PTPRC: variants seen among roughly 807,000 people sequenced by gnomAD.
The protein encoded by PTPRC is protein tyrosine phosphatase receptor type C, also known as receptor-type tyrosine-protein phosphatase C.
In PTPRC, 44 loss-of-function variants were observed where a neutral mutation model predicts 155.9. The ratio of observed to expected loss-of-function variants is 0.28; its 90% confidence interval spans 0.22 to 0.36. PTPRC has a LOEUF of 0.36. Among genes scored for constraint, PTPRC ranks in the 10% least tolerant of loss-of-function variants. The probability of loss-of-function intolerance (pLI) is 1.00; values close to 1 mark genes in which losing one functional copy is unlikely to be tolerated. For synonymous variants in PTPRC, 525 were observed against 533.1 expected (o/e 0.98, Z 0.21); for missense variants, 1,401 against 1,564.6 (o/e 0.90, Z 1.76).
In PTPRC at chr1:198,699,710, C is replaced by G. The variant is rs368352554; in HGVS notation, c.439+6C>G. 6.2e-7 allele frequency: 1 copy of G among 1,614,108 alleles called. No individual in the cohort carries two copies. The highest frequency in any genetic ancestry group is 8.5e-7 in the Non-Finnish European group (1 of 1,180,004). ...AGGCAGCAATGCTATCTCAGGTTTG[C>G]GGGTCCTTTAGACTTGTGCAAATAT... On this transcript the variant is annotated splice_donor_region_variant and intron_variant, in intron 5 of 32. Transcript: ENST00000442510.
chr1:198,646,862 A>T (rs927779057), intron 2 of PTPRC, among the ~76,000 whole-genome samples: 1 of 151,906 alleles, frequency 6.6e-6, no homozygotes, highest in African/African-American at 2.4e-5. Flanking sequence ...AATCTTCTCA[A>T]TGTAAAATAG....
intron 2 of PTPRC, among the ~76,000 whole-genome samples, chr1:198,680,464 A>T (rs1665255799): frequency 6.6e-6 from 1 of 152,124 alleles, no homozygotes; most frequent in African/African-American, 2.4e-5. Flanking sequence ...AAAAAAAAAA[A>T]AAATAGATAC....
At chr1:198,701,948 G>C (rs1164807312) in intron 5 of PTPRC, among the ~76,000 whole-genome samples, 1 of 152,198 alleles carries the variant, frequency 6.6e-6, no homozygotes, top group African/African-American at 2.4e-5. Flanking sequence ...GTGCCTGCAA[G>C]GCTCTCAGCA....
chr1:198,752,128 C>T, intron 29 of PTPRC, 121 bp from the exon 30 acceptor site: 6 of 1,189,118 alleles, frequency 5.0e-6, no homozygotes, highest in Non-Finnish European at 7.4e-6. Context: ...TTTTAGAACA[C>T]AATAATTTTC....
chr1:198,662,872 C>T (rs1664056322), intron 2 of PTPRC, among the ~76,000 whole-genome samples: 4 of 152,162 alleles, frequency 2.6e-5, no homozygotes, highest in Admixed American at 1.3e-4. Context: ...TTTCCTCCAA[C>T]GTAAGGATCT....
chr1:198,728,635 C>T (rs562232771), intron 16 of PTPRC, among the ~76,000 whole-genome samples, 187 bp downstream of exon 16: 1 of 152,184 alleles, frequency 6.6e-6, no homozygotes, highest in African/African-American at 2.4e-5. Context: ...TTGAATTAAA[C>T]ATTAATATTA....
chr1:198,687,764 G>T (rs16843698), intron 2 of PTPRC, among the ~76,000 whole-genome samples: 13,930 of 152,060 alleles, frequency 0.092, 846 homozygotes, highest in African/African-American at 0.16. Context: ...AGTGCACATG[G>T]CTTATTAAAA....
At chr1:198,753,881 T>C (rs1481716122) in intron 31 of PTPRC, among the ~76,000 whole-genome samples, 1 of 152,020 alleles carries the variant, frequency 6.6e-6, no homozygotes, top group Non-Finnish European at 1.5e-5. Context: ...TACAAAATAT[T>C]AGGTCTAATA....
intron 11 of PTPRC, among the ~76,000 whole-genome samples, chr1:198,711,658 T>A (rs905001787): frequency 1.3e-5 from 2 of 152,214 alleles, no homozygotes; most frequent in Non-Finnish European, 2.9e-5. Context: ...GCTCTTTGGA[T>A]GAGGCCACTA....
chr1:198,650,131 GGTGA>G (rs1466355709), intron 2 of PTPRC, among the ~76,000 whole-genome samples: 8 of 151,808 alleles, frequency 5.3e-5, no homozygotes, highest in Admixed American at 1.3e-4. Flanking sequence ...TCTGTAGTAT[GGTGA>G]GTAAGAACTG....
rs1932433 is a variant in PTPRC, at chr1:198,732,160, T to C, written c.1975-140T>C. On this transcript the variant is annotated intron_variant, in intron 18 of 32. Coordinates refer to ENST00000442510, the MANE Select transcript of PTPRC (RefSeq NM_002838.5). ...TTAACATAATTCCTGATCTTAATTT[T>C]GATTACTCTAAGCAAATTTTTTTAT... is the stretch of plus-strand genomic sequence containing the variant. 0.59 allele frequency: 418,436 copies of C among 712,736 alleles called. 126,063 individuals are homozygous for C. Among genetic ancestry groups the C allele is most frequent in the African/African-American group, 0.66 (36,670 of 55,864 alleles). 44.2% of individuals were successfully genotyped at this position (712,736 alleles called of 1,614,324 possible). A position where few individuals can be genotyped will look rare whatever the true frequency, so the allele number is the denominator to read the frequency against.
At chr1:198,669,946 G>A (rs1477244952) in intron 2 of PTPRC, among the ~76,000 whole-genome samples, 1 of 152,090 alleles carries the variant, frequency 6.6e-6, no homozygotes, top group Admixed American at 6.5e-5. Flanking sequence ...ATCACCCAAA[G>A]GACCTTAGTA....
chr1:198,704,346 T>A, intron 7 of PTPRC, 126 bp from the exon 8 acceptor site: 1 of 1,514,872 alleles, frequency 6.6e-7, no homozygotes, highest in Non-Finnish European at 9.0e-7. Flanking sequence ...ATCCTTCATA[T>A]TCTGTTAAAT....
chr1:198,679,782 C>T, intron 2 of PTPRC: 1 of 481,416 alleles, frequency 2.1e-6, no homozygotes. Context: ...TGTTGACCAC[C>T]AGGAAATGAC....
chr1:198,710,259 A>T (rs72738047), intron 11 of PTPRC, among the ~76,000 whole-genome samples: 2,455 of 152,298 alleles, frequency 0.016, 34 homozygotes, highest in Middle Eastern at 0.02. Context: ...GTTGACCATA[A>T]TGATGGGTTT....
chr1:198,753,870 T>C (rs1480727218), intron 31 of PTPRC, among the ~76,000 whole-genome samples: 1 of 152,048 alleles, frequency 6.6e-6, no homozygotes, highest in Non-Finnish European at 1.5e-5. Flanking sequence ...TTCTAGTAAT[T>C]TACAAAATAT....
chr1:198,700,407 G>A (rs1189647027), intron 5 of PTPRC, among the ~76,000 whole-genome samples: 1 of 152,172 alleles, frequency 6.6e-6, no homozygotes, highest in Non-Finnish European at 1.5e-5. Context: ...GACCTATGTA[G>A]CTGGTAGGAA....
chr1:198,673,129 T>C (rs1401910616), intron 2 of PTPRC, among the ~76,000 whole-genome samples: 1 of 152,138 alleles, frequency 6.6e-6, no homozygotes, highest in Non-Finnish European at 1.5e-5. Flanking sequence ...CGTCTTCCTT[T>C]CCCACCTAAC....
intron 2 of PTPRC, among the ~76,000 whole-genome samples, chr1:198,691,558 C>T (rs1665926400): frequency 6.6e-6 from 1 of 152,028 alleles, no homozygotes; most frequent in Non-Finnish European, 1.5e-5. Flanking sequence ...CTGCCCCCAC[C>T]TTTGCTCTTT....
Sources: allele counts gnomAD v4.1 joint callset (sites outside exome capture counted in the v4.1 genomes callset), GRCh38; gene constraint gnomAD v4.1.1; transcripts MANE v1.5; gene names NCBI Gene and HGNC (gene_info 2026-07-23, HGNC 2026-07-21).